MAN2C1: variants seen among roughly 807,000 people sequenced by gnomAD.
MAN2C1 encodes alpha-mannosidase 2C1.
MAN2C1 carries 111 observed loss-of-function variants against 126.9 expected under a neutral mutation model. The ratio of observed to expected loss-of-function variants is 0.87; its 90% confidence interval spans 0.75 to 1.02. MAN2C1 has a LOEUF of 1.02. Ranked by LOEUF, MAN2C1 falls within the 50% of genes least tolerant of loss-of-function variation. MAN2C1 has a pLI of 0.00. For synonymous variants in MAN2C1, 567 were observed against 561.5 expected (o/e 1.01, Z -0.14); for missense variants, 1,363 against 1,364.4 (o/e 1.00, Z 0.02).
In MAN2C1 at chr15:75,362,697, A is replaced by C. The variant is rs1394947203; in HGVS notation, c.842T>G (p.Val281Gly). The C allele has an allele frequency of 6.2e-7, 1 of 1,614,140 alleles. No homozygotes were observed. Among genetic ancestry groups the C allele is most frequent in the Non-Finnish European group, 8.5e-7 (1 of 1,180,008 alleles). Reference protein sequence around the residue: ...ETVRKCARSWVTALQLMERNP... With the variant: ...ETVRKCARSWGTALQLMERNP... ...CCGCTCCATGAGCTGCAGGGCGGTC[A>C]CCCAGCTCCGGGCACATTTCCTCAC... The change falls in exon 7 of 26, where the codon GTG becomes GGG. Residue 281 changes from valine (V) to glycine (G), a missense_variant. Physicochemically the swap from Val to Gly is moderately radical, Grantham distance 109. This residue lies in a region of MAN2C1 where 628 missense variants were observed against 609.8 expected (regional missense o/e 1.03). Transcript: ENST00000267978. This position sits in a 1 kb window ranked among gnomAD's most constrained non-coding sequence, Gnocchi z 4.5.
At chr15:75,360,013 G>C in intron 14 of MAN2C1, 25 bp from the exon 15 acceptor site, 1 of 1,614,020 alleles carries the variant, frequency 6.2e-7, no homozygotes, top group Non-Finnish European at 8.5e-7. Context: ...GGCAGGGATG[G>C]GAAGGCTGGG....
intron 13 of MAN2C1, 29 bp from the exon 14 acceptor site, chr15:75,360,240 G>C (rs1479139709): frequency 6.2e-7 from 1 of 1,602,824 alleles, no homozygotes; most frequent in South Asian, 1.1e-5. Flanking sequence ...GATTAGTCTG[G>C]AGCCTGCTTA....
At chr15:75,358,118 T>A in intron 21 of MAN2C1, 83 bp downstream of exon 21, 1 of 1,528,094 alleles carries the variant, frequency 6.5e-7, no homozygotes, top group Non-Finnish European at 9.0e-7. Flanking sequence ...TTGATTATCC[T>A]CTTCCTCCCC....
Position 75,356,981 on chromosome 15 carries a change from G to A in MAN2C1, c.2548-79C>T, listed in dbSNP as rs1467921598. 5 of 1,189,728 alleles carry A rather than the reference G, an allele frequency of 4.2e-6. No individual in the cohort carries two copies. Among genetic ancestry groups the A allele is most frequent in the Non-Finnish European group, 6.2e-6 (5 of 811,402 alleles). The allele number at this position is 1,189,728 out of a possible 1,614,324, so 73.7% of individuals were successfully genotyped here. A position where few individuals can be genotyped will look rare whatever the true frequency, so the allele number is the denominator to read the frequency against. ...CCAGACTCCAGAGCTCCTGTCACTA[G>A]GCCGAGCACAAGCTCTAGAACCACA... On this transcript the variant is annotated intron_variant, in intron 21 of 25. Transcript: ENST00000267978. This position sits in a 1 kb window ranked among gnomAD's most constrained non-coding sequence, Gnocchi z 5.8.
rs750243365 is a variant in MAN2C1, at chr15:75,368,564, A to T, written c.20T>A (p.Leu7Ter). 1 of 1,548,372 alleles carries T rather than the reference A, an allele frequency of 6.5e-7. No homozygotes were observed. The highest frequency in any genetic ancestry group is 8.7e-7 in the Non-Finnish European group (1 of 1,147,224). The change falls in exon 1 of 26, where the codon TTG (leucine) becomes TAG (stop). Residue 7 changes from leucine (L) to a stop codon, truncating the protein, a stop_gained. Transcript: ENST00000267978. LOFTEE classifies it high-confidence loss of function. ...CTCCAGCGTGGTGCGCCAGTGCTTC[A>T]AGGCCGGCGCAGCCGCCATCGCCGG... MAAAPALKHWRTTLERV... is the reference protein window; with the variant it reads MAAAPA
chr15:75,360,020 T>C, intron 14 of MAN2C1, 32 bp from the exon 15 acceptor site: 2 of 1,613,964 alleles, frequency 1.2e-6, no homozygotes, highest in Non-Finnish European at 1.7e-6. Context: ...ATGGGAAGGC[T>C]GGGAGGGGCA....
In MAN2C1 at chr15:75,367,529, A is replaced by G. The variant is rs2072599736; in HGVS notation, c.333T>C (p.Arg111=). The change falls in exon 3 of 26, where the codon CGT becomes CGC. Residue 111 remains arginine, a synonymous_variant. Transcript: ENST00000267978. ...WESDGEGLVW[R]DGEPVQGLTK... Reference sequence around the variant, plus strand: ...TCCTCACCTGGACAGGTTCTCCATCACGCCACACCAGACCTTCTCCATCAC... The same window carrying G: ...TCCTCACCTGGACAGGTTCTCCATCGCGCCACACCAGACCTTCTCCATCAC... 1 of 1,614,038 alleles carries G rather than the reference A, an allele frequency of 6.2e-7. No individual in the cohort carries two copies. The highest frequency in any genetic ancestry group is 1.7e-5 in the Admixed American group (1 of 60,014).
At position 75,368,138 on chromosome 15, in the gene MAN2C1, A is replaced by C. The variant is rs1595880665; in HGVS notation, c.162T>G (p.Leu54=). The change falls in exon 2 of 26, where the codon CTT becomes CTG. Residue 54 remains leucine (L), a synonymous_variant. Coordinates refer to ENST00000267978, the MANE Select transcript of MAN2C1 (RefSeq NM_006715.4). ...CCCGCTGGACTGCCTCCTGGTAGGG[A>C]AGTCTCTCCGGCGTCAGGAAGCTGG... The part of the protein sequence containing the change: ...VLSSFLTPER[L]PYQEAVQRDF... The C allele has an allele frequency of 3.7e-6, 6 of 1,605,876 alleles. No homozygotes were observed. The highest frequency in any genetic ancestry group is 5.1e-6 in the Non-Finnish European group (6 of 1,177,290).
rs919010431 is a variant in MAN2C1 at position 75,359,915 on chromosome 15, A to C, written c.1780T>G (p.Cys594Gly). 1.9e-6 allele frequency: 3 copies of C among 1,612,646 alleles called. No homozygotes were observed. The African/African-American group carries it at 4.0e-5, about 22-fold the overall frequency. ...TTGTGAGCCTAACCTTCATAATGGC[A>C]CATGGCTTCCTCTGCCACCATCTGG... ...CIQMVAEEAM[C>G]HYEDIRSHGN... Residue 594 changes from cysteine to glycine, a missense_variant, in exon 15 of 26, where the codon TGC becomes GGC. By Grantham distance (159) the Cys-to-Gly change is radical (BLOSUM62 -3). Coordinates refer to ENST00000267978, the MANE Select transcript of MAN2C1 (RefSeq NM_006715.4).
Position 75,360,560 on chromosome 15 carries a change from CT to C in MAN2C1, c.1584+4del. On this transcript the variant is annotated splice_donor_region_variant and intron_variant, in intron 13 of 25. Coordinates refer to ENST00000267978, the MANE Select transcript of MAN2C1 (RefSeq NM_006715.4). ...CCCTGCACAGCCCTGCAACCTCCCC[CT>C]GACCTGGGCATGGGTGGTGTATGTG... The C allele has an allele frequency of 6.2e-7, 1 of 1,613,438 alleles. No homozygotes were observed. Among genetic ancestry groups the C allele is most frequent in the Non-Finnish European group, 8.5e-7 (1 of 1,179,890 alleles).
In MAN2C1 at chr15:75,364,165, G is replaced by A. The variant is rs2072530606; in HGVS notation, c.624C>T (p.Arg208=). 3 of 1,611,420 alleles carry A rather than the reference G, an allele frequency of 1.9e-6. No homozygotes were observed. The highest frequency in any genetic ancestry group is 2.2e-5 in the South Asian group (2 of 90,988). The change falls in exon 6 of 26, where the codon CGC becomes CGT. Residue 208 remains arginine (R), a synonymous_variant. Coordinates refer to ENST00000267978, the MANE Select transcript of MAN2C1 (RefSeq NM_006715.4). ...TGGCTGTGTACAGGGCCTGGAAGCT[G>A]CGCTGGTTGTCCTTCCCGAGGCCCT... ...IAKGLGKDNQ[R]SFQALYTANQ... is the part of the protein sequence containing the mutation.
chr15:75,365,443 A>G (rs1365152221), intron 4 of MAN2C1, among the ~76,000 whole-genome samples: 1 of 152,104 alleles, frequency 6.6e-6, no homozygotes, highest in Non-Finnish European at 1.5e-5. Context: ...TACCGGGATG[A>G]GCCGGGCACG....
Position 75,368,522 on chromosome 15 carries a change from A to C in MAN2C1, c.62T>G (p.Val21Gly). Residue 21 changes from valine (V) to glycine (G), a missense_variant, in exon 1 of 26, where the codon GTG (valine) becomes GGG (glycine). Transcript: ENST00000267978. ...ACAGTCGGTAAAGTAGAGCGGCGAC[A>C]CGAACTTCTCCACCCGCTCCAGCGT... The part of the protein sequence containing the change: ...RTTLERVEKF[V>G]SPLYFTDCNL... The C allele has an allele frequency of 1.9e-6, 3 of 1,556,646 alleles. No individual in the cohort carries two copies. Among genetic ancestry groups the C allele is most frequent in the Non-Finnish European group, 2.6e-6 (3 of 1,150,918 alleles).
At chr15:75,365,912 C>A (rs1406854802) in intron 4 of MAN2C1, 2 of 438,838 alleles carry the variant, frequency 4.6e-6, no homozygotes, top group African/African-American at 2.1e-5. Flanking sequence ...CGGTGAAACC[C>A]TTTCTCTACC....
At chr15:75,368,350 C>G (rs1449853670) in intron 1 of MAN2C1, 133 bp downstream of exon 1, 11 of 1,393,038 alleles carry the variant, frequency 7.9e-6, no homozygotes, top group Non-Finnish European at 9.7e-6. Flanking sequence ...CCCCCTCCTC[C>G]CCGGCCCCTG....
In MAN2C1 at chr15:75,356,721, G is replaced by C; in HGVS notation, c.2658-36C>G. 6.2e-7 allele frequency: 1 copy of C among 1,612,204 alleles called. No homozygotes were observed. Among genetic ancestry groups the C allele is most frequent in the Non-Finnish European group, 8.5e-7 (1 of 1,178,956 alleles). On this transcript the variant is annotated intron_variant, in intron 22 of 25. Coordinates refer to ENST00000267978, the MANE Select transcript of MAN2C1 (RefSeq NM_006715.4). The surrounding 1 kb of genome is among the most constrained non-coding windows in gnomAD (Gnocchi z 5.8). ...GAGGGCGCGTAGGGGCCACGCTGAA[G>C]CTGTTGGAGTTGTGGTCGGGAAGAC...
Position 75,359,616 on chromosome 15 carries a change from G to A in MAN2C1, c.1948+4C>T, listed in dbSNP as rs573512444. 47 of 1,613,686 alleles carry A rather than the reference G, an allele frequency of 2.9e-5. No individual in the cohort carries two copies. The highest frequency in any genetic ancestry group is 1.3e-4 in the African/African-American group (10 of 75,052). ...CAGTAGCAACCCTTCCCCTCAGCTC[G>A]TACCTAGGCTGTGGGCCCCGCCCGG... On this transcript the variant is annotated splice_donor_region_variant and intron_variant, in intron 16 of 25. Coordinates refer to ENST00000267978, the MANE Select transcript of MAN2C1 (RefSeq NM_006715.4).
chr15:75,365,706 AC>A, intron 4 of MAN2C1: 1 of 217,292 alleles, frequency 4.6e-6, no homozygotes, highest in South Asian at 4.8e-5. Context: ...AGCCTGGGTA[AC>A]AAAAGCGAAA....
At position 75,363,669 on chromosome 15, in the gene MAN2C1, T is replaced by A. The variant is rs547677741; in HGVS notation, c.790+330A>T. 65 of 345,676 alleles carry A rather than the reference T, an allele frequency of 1.9e-4. 1 individual carries two copies. The highest frequency in any genetic ancestry group is 1.3e-3 in the African/African-American group (61 of 46,418). The allele number at this position is 345,676 out of a possible 1,614,324, so 21.4% of individuals were successfully genotyped here. Reference sequence around the variant, plus strand: ...AAAAATACAAAAATTAACCAGGCATTGTGGTGGGTGCCTGTAATCCCAGCT... The same window carrying A: ...AAAAATACAAAAATTAACCAGGCATAGTGGTGGGTGCCTGTAATCCCAGCT... On this transcript the variant is annotated intron_variant, in intron 6 of 25. Transcript: ENST00000267978.
Sources: gnomAD v4.1 joint callset for allele counts (sites outside exome capture counted in the v4.1 genomes callset) on GRCh38, gnomAD v4.1.1 for gene constraint, gnomAD v4.1.1 regional missense constraint, Gnocchi (gnomAD v3.1) non-coding constraint, MANE v1.5 for transcripts, NCBI Gene and HGNC (gene_info 2026-07-23, HGNC 2026-07-21) for gene names.